ART3: variants seen among roughly 807,000 people sequenced by gnomAD.
ART3 encodes the protein ADP-ribosyltransferase 3 (inactive), also known as ecto-ADP-ribosyltransferase 3.
A neutral mutation model predicts 48.5 loss-of-function variants in ART3; 49 were observed. The observed-to-expected ratio is 1.01, with a 90% CI of 0.80 to 1.28. The LOEUF is 1.28. Among genes scored for constraint, ART3 ranks in the 50% most tolerant of loss-of-function variants. The pLI, the probability that ART3 is intolerant of heterozygous loss-of-function variation, is 0.00. For synonymous variants in ART3, 145 were observed against 157.2 expected, an observed-to-expected ratio of 0.92 and a Z score of 0.58; for missense variants, 438 against 454.3, an observed-to-expected ratio of 0.96 and a Z score of 0.33.
chr4:76,105,751 C>T, intron 10 of ART3: 9 of 985,414 alleles, frequency 9.1e-6, no homozygotes, highest in Non-Finnish European at 1.1e-5. Context: ...TTACGGTTCT[C>T]TGGGCCAAAC....
intron 1 of ART3, among the ~76,000 whole-genome samples, chr4:76,053,558 G>T (rs1380702413): frequency 2.6e-5 from 4 of 152,124 alleles, no homozygotes; most frequent in Non-Finnish European, 4.4e-5. Context: ...AATTTTATTA[G>T]GGTATAATTA....
chr4:76,067,481 A>G (rs1224771751), intron 1 of ART3, among the ~76,000 whole-genome samples: 1 of 152,222 alleles, frequency 6.6e-6, no homozygotes, highest in Non-Finnish European at 1.5e-5. Context: ...AAAAAACACT[A>G]AATTACTGAG....
In ART3 at chr4:76,100,781, T is replaced by C; in HGVS notation, c.878-14T>C. On this transcript the variant is annotated splice_polypyrimidine_tract_variant and intron_variant, in intron 6 of 11. Transcript: ENST00000355810. ...TCCTTCGTTAAAACTGATGAGCTTC[T>C]TTTTGTGACTCAGGTGAGAAAAACT... 6.2e-7 allele frequency: 1 copy of C among 1,610,210 alleles called. No homozygotes were observed. The highest frequency in any genetic ancestry group is 8.5e-7 in the Non-Finnish European group (1 of 1,179,134).
chr4:76,096,317 C>G (rs1167515296), intron 3 of ART3, among the ~76,000 whole-genome samples: 2 of 152,238 alleles, frequency 1.3e-5, no homozygotes, highest in Non-Finnish European at 2.9e-5. Context: ...CAGATTCTAA[C>G]ACATCTGTTA....
rs1200852588 is a variant in ART3, at chr4:76,097,694, T to G, written c.814+18T>G. On this transcript the variant is annotated intron_variant, in intron 4 of 11. Transcript: ENST00000355810. ...GAACCTAGGTAAGATAGCTTTAAAGTCTTATCCCTATAATAGGAATTTTAT... is the reference window on the plus strand; with the variant it reads ...GAACCTAGGTAAGATAGCTTTAAAGGCTTATCCCTATAATAGGAATTTTAT... 1 of 1,595,048 alleles carries G rather than the reference T, an allele frequency of 6.3e-7. No homozygotes were observed. Among genetic ancestry groups the G allele is most frequent in the Non-Finnish European group, 8.6e-7 (1 of 1,163,422 alleles).
intron 2 of ART3, among the ~76,000 whole-genome samples, chr4:76,077,216 G>A (rs1333911436): frequency 6.6e-6 from 1 of 152,088 alleles, no homozygotes; most frequent in Non-Finnish European, 1.5e-5. Flanking sequence ...GGCAACCACT[G>A]TCTACTTTCT....
chr4:76,046,354 A>G (rs1367181170), intron 1 of ART3, among the ~76,000 whole-genome samples: 1 of 152,040 alleles, frequency 6.6e-6, no homozygotes, highest in African/African-American at 2.4e-5. Context: ...GTACAACTGG[A>G]TATAGAGGAA....
rs1560572037 is a variant in ART3, at chr4:76,012,958, A to G, written c.-10+1638A>G. Reference sequence around the variant, plus strand: ...TCATTTACTGTTTATCATTCATTTCATCCACCAAACTTTTATTCTTATGGT... The same window carrying G: ...TCATTTACTGTTTATCATTCATTTCGTCCACCAAACTTTTATTCTTATGGT... On this transcript the variant is annotated intron_variant, in intron 1 of 9. Coordinates refer to the ART3 transcript ENST00000341029. 2.0e-5 allele frequency among the ~76,000 whole-genome samples: 3 copies of G among 152,238 alleles called. No individual in the cohort carries two copies. In the South Asian group the frequency reaches 6.2e-4, roughly 31 times the overall value.
At chr4:76,072,895 G>A (rs76038505), upstream of ART3, among the ~76,000 whole-genome samples, 2 of 152,042 alleles carry the variant, frequency 1.3e-5, no homozygotes, top group Admixed American at 1.3e-4. Flanking sequence ...CTTCATGGCT[G>A]ATCTCTTTCA....
At chr4:76,106,068 TCA>T (rs1728402385) in intron 10 of ART3, 4 of 985,344 alleles carry the variant, frequency 4.1e-6, no homozygotes, top group Non-Finnish European at 4.8e-6. Flanking sequence ...ACACAGGAGC[TCA>T]TTTAATCCAA....
At chr4:76,044,360 G>A (rs1215788328) in intron 1 of ART3, among the ~76,000 whole-genome samples, 1 of 152,044 alleles carries the variant, frequency 6.6e-6, no homozygotes, top group Admixed American at 6.6e-5. Context: ...GCAGTGAGGA[G>A]GTCTAGGCCT....
At chr4:76,042,902 C>A (rs562217394) in intron 1 of ART3, among the ~76,000 whole-genome samples, 2 of 152,088 alleles carry the variant, frequency 1.3e-5, no homozygotes, top group African/African-American at 4.8e-5. Flanking sequence ...CCACGTCCTG[C>A]TGATTGGTAG....
At chr4:76,060,625 C>T (rs541161697) in intron 1 of ART3, among the ~76,000 whole-genome samples, 2 of 152,132 alleles carry the variant, frequency 1.3e-5, no homozygotes, top group African/African-American at 2.4e-5. Context: ...ATATTATGGA[C>T]CTCAAAATAC....
At chr4:76,094,034 G>A (rs1327539801) in intron 3 of ART3, among the ~76,000 whole-genome samples, 3 of 152,164 alleles carry the variant, frequency 2.0e-5, no homozygotes, top group African/African-American at 7.2e-5. Flanking sequence ...GTCCTTATAA[G>A]AAGAGGAAAG....
At chr4:76,044,951 CAT>C (rs1253568940) in intron 1 of ART3, among the ~76,000 whole-genome samples, 1 of 152,068 alleles carries the variant, frequency 6.6e-6, no homozygotes, top group Non-Finnish European at 1.5e-5. Context: ...CCATTCTTTC[CAT>C]ATTGCAGCAT....
At chr4:76,040,446 A>ACACACG (rs57015929) in intron 1 of ART3, among the ~76,000 whole-genome samples, 16,935 of 138,220 alleles carry the variant, frequency 0.12, 1,477 homozygotes, top group East Asian at 0.3. Context: ...ATACACACAC[A>ACACACG]CACACACACA....
intron 1 of ART3, among the ~76,000 whole-genome samples, chr4:76,024,611 T>G (rs1199640765): frequency 6.6e-6 from 1 of 152,206 alleles, no homozygotes; most frequent in East Asian, 1.9e-4. Flanking sequence ...TTTAGCAGTA[T>G]CCATGGATAT....
chr4:76,066,614 C>T (rs908298496), intron 1 of ART3, among the ~76,000 whole-genome samples: 1 of 152,046 alleles, frequency 6.6e-6, no homozygotes, highest in Non-Finnish European at 1.5e-5. Flanking sequence ...TCTGGCTGAG[C>T]CCGGCTATTT....
intron 1 of ART3, chr4:76,041,062 CAT>C (rs1325609558): frequency 6.6e-6 from 1 of 152,234 alleles, no homozygotes; most frequent in African/African-American, 2.4e-5. Flanking sequence ...ATGTCTGTCA[CAT>C]GTCTGGCACT....
Sources: gnomAD v4.1 joint callset for allele counts (sites outside exome capture counted in the v4.1 genomes callset) on GRCh38, gnomAD v4.1.1 for gene constraint, MANE v1.5 for transcripts, NCBI Gene and HGNC (gene_info 2026-07-23, HGNC 2026-07-21) for gene names.